SLC39A11: variants seen among roughly 807,000 people sequenced by gnomAD.
SLC39A11 encodes zinc transporter ZIP11.
In SLC39A11, 33 loss-of-function variants were observed where a neutral mutation model predicts 36.1. The observed-to-expected ratio is 0.91, with a 90% CI of 0.69 to 1.22. The LOEUF is 1.22. SLC39A11 is among the 50% of genes most tolerant of loss of function. The probability of loss-of-function intolerance (pLI) is 0.00; values close to 1 mark genes in which losing one functional copy is unlikely to be tolerated. For missense variants in SLC39A11, 432 were observed against 430.3 expected (o/e 1.00, Z -0.03); for synonymous variants, 166 against 170.3 (o/e 0.97, Z 0.20).
intron 4 of SLC39A11, among the ~76,000 whole-genome samples, chr17:72,985,152 G>C (rs1182688838): frequency 6.6e-6 from 1 of 152,188 alleles, no homozygotes; most frequent in Non-Finnish European, 1.5e-5. Flanking sequence ...CAAGGCACCA[G>C]GTACAAGGCA....
At chr17:72,899,533 A>G (rs1244965306) in intron 5 of SLC39A11, among the ~76,000 whole-genome samples, 1 of 152,106 alleles carries the variant, frequency 6.6e-6, no homozygotes, top group African/African-American at 2.4e-5. Flanking sequence ...TAACACCACA[A>G]TTCCTCTCCG....
In SLC39A11 at chr17:73,004,236, G is replaced by A. The variant is rs970584741; in HGVS notation, c.306+27320C>T. ...GAAAGAAAGAAAGAAAGAAAGAAAA[G>A]AAAGAAAGAGAAAAAGCAAGCAAGC... On this transcript the variant is annotated intron_variant, in intron 4 of 9. Coordinates refer to ENST00000255559, the MANE Select transcript of SLC39A11 (RefSeq NM_139177.4). 1.2e-4 allele frequency among the ~76,000 whole-genome samples: 17 copies of A among 143,508 alleles called. No individual in the cohort carries two copies. In the East Asian group the frequency reaches 3.5e-3, roughly 30 times the overall value. 94.1% of individuals were successfully genotyped at this position (143,508 alleles called of 152,430 possible).
intron 6 of SLC39A11, among the ~76,000 whole-genome samples, chr17:72,779,533 T>C (rs1393882003): frequency 1.3e-5 from 2 of 152,152 alleles, no homozygotes; most frequent in Non-Finnish European, 2.9e-5. Flanking sequence ...GATAAATCCT[T>C]TCCTGGCTTC....
At position 72,676,731 on chromosome 17, in the gene SLC39A11, C is replaced by T. The variant is rs1272196031; in HGVS notation, c.672-27463G>A. 1.3e-5 allele frequency among the ~76,000 whole-genome samples: 2 copies of T among 152,148 alleles called. 1 individual carries two copies. Among genetic ancestry groups the T allele is most frequent in the East Asian group, 3.8e-4 (2 of 5,202 alleles). On this transcript the variant is annotated intron_variant, in intron 7 of 9. Transcript: ENST00000255559. ...CAGTTTGTGCAACTAATATTGCTTA[C>T]GTCAAATGCTCGCTTCACTTATGGA...
At chr17:72,908,429 T>C (rs1325219514) in intron 5 of SLC39A11, among the ~76,000 whole-genome samples, 1 of 152,206 alleles carries the variant, frequency 6.6e-6, no homozygotes, top group African/African-American at 2.4e-5. Flanking sequence ...GGCTGGCCAC[T>C]TCGGGGCCAA....
chr17:72,798,264 C>A (rs747960747), intron 6 of SLC39A11, among the ~76,000 whole-genome samples: 4 of 151,470 alleles, frequency 2.6e-5, no homozygotes, highest in South Asian at 2.1e-4. Context: ...ATGTGTAGAG[C>A]GGTTCTGGAG....
chr17:72,828,748 A>C (rs532628602), intron 6 of SLC39A11, among the ~76,000 whole-genome samples: 292 of 152,156 alleles, frequency 1.9e-3, no homozygotes, highest in Middle Eastern at 0.01. Context: ...AGGACACCAT[A>C]TGGCCCCACC....
intron 5 of SLC39A11, among the ~76,000 whole-genome samples, chr17:72,917,993 T>C (rs1306372754): frequency 6.6e-6 from 1 of 152,238 alleles, no homozygotes; most frequent in Non-Finnish European, 1.5e-5. Context: ...CACTGTTACC[T>C]GCCAGGGGCA....
chr17:72,793,307 C>T (rs2076778617), intron 6 of SLC39A11, among the ~76,000 whole-genome samples: 1 of 152,144 alleles, frequency 6.6e-6, no homozygotes, highest in Admixed American at 6.5e-5. Context: ...GGGTGACAGA[C>T]AGGTTTTGGC....
intron 7 of SLC39A11, among the ~76,000 whole-genome samples, chr17:72,716,852 C>T (rs2073389254): frequency 6.6e-6 from 1 of 151,324 alleles, no homozygotes; most frequent in Admixed American, 6.6e-5. Flanking sequence ...GCCTGTAATC[C>T]CAGCTACTCA....
chr17:73,082,251 A>G (rs1198271603), intron 3 of SLC39A11, among the ~76,000 whole-genome samples: 1 of 151,642 alleles, frequency 6.6e-6, no homozygotes, highest in Non-Finnish European at 1.5e-5. Flanking sequence ...TTTAATAATG[A>G]TAACTATTAG....
chr17:72,893,590 G>GA (rs966691379), intron 5 of SLC39A11, among the ~76,000 whole-genome samples: 2 of 152,030 alleles, frequency 1.3e-5, no homozygotes, highest in African/African-American at 4.8e-5. Context: ...ATCCTCATTG[G>GA]AAAACCAATG....
intron 5 of SLC39A11, among the ~76,000 whole-genome samples, chr17:72,926,578 C>A (rs1232352952): frequency 1.3e-5 from 2 of 151,998 alleles, no homozygotes; most frequent in South Asian, 2.1e-4. Context: ...CATAAGATTG[C>A]CTTTGTTTTT....
intron 5 of SLC39A11, among the ~76,000 whole-genome samples, chr17:72,875,164 A>T (rs2080832248): frequency 6.6e-6 from 1 of 152,236 alleles, no homozygotes. Context: ...AAGGGGAGGA[A>T]GTCACAAGAA....
chr17:73,020,690 T>TTTTTC (rs1456475595), intron 4 of SLC39A11, among the ~76,000 whole-genome samples: 7 of 126,052 alleles, frequency 5.6e-5, no homozygotes, highest in African/African-American at 2.0e-4. Flanking sequence ...CTTTTTTTTT[T>TTTTTC]TTTTTTTTTT....
intron 6 of SLC39A11, among the ~76,000 whole-genome samples, chr17:72,784,562 A>C (rs8066189): frequency 0.15 from 23,237 of 151,878 alleles, 2,096 homozygotes; most frequent in African/African-American, 0.25. Flanking sequence ...AATTGTAATG[A>C]CCGATGCTGG....
chr17:72,887,437 C>T (rs1036771231), intron 5 of SLC39A11, among the ~76,000 whole-genome samples: 1 of 152,206 alleles, frequency 6.6e-6, no homozygotes, highest in Non-Finnish European at 1.5e-5. Context: ...CTGCCTTCTT[C>T]CCCTTTCATC....
intron 7 of SLC39A11, among the ~76,000 whole-genome samples, chr17:72,718,922 G>C (rs985956329): frequency 6.6e-6 from 1 of 152,080 alleles, no homozygotes; most frequent in African/African-American, 2.4e-5. Context: ...GAGCCACCAT[G>C]CCTGGCTAGA....
At chr17:72,902,038 G>A (rs138359903) in intron 5 of SLC39A11, among the ~76,000 whole-genome samples, 131 of 152,276 alleles carry the variant, frequency 8.6e-4, no homozygotes, top group African/African-American at 3.0e-3. Flanking sequence ...TTGAAAGGCC[G>A]AGGCGGGTGG....
Sources: gnomAD v4.1 joint callset for allele counts (sites outside exome capture counted in the v4.1 genomes callset) on GRCh38, gnomAD v4.1.1 for gene constraint, MANE v1.5 for transcripts, NCBI Gene and HGNC (gene_info 2026-07-23, HGNC 2026-07-21) for gene names.